The following KIF5C variants were observed in gnomAD, a reference collection of about 807,000 sequenced individuals.
KIF5C encodes kinesin heavy chain isoform 5C.
In KIF5C, 18 loss-of-function variants were observed where a neutral mutation model predicts 125.2. That is an observed-to-expected ratio of 0.14 (90% CI 0.10 to 0.21). The LOEUF (loss-of-function observed/expected upper bound fraction) is 0.21. Among genes scored for constraint, KIF5C ranks in the 10% least tolerant of loss-of-function variants. The pLI, the probability that KIF5C is intolerant of heterozygous loss-of-function variation, is 1.00. For synonymous variants in KIF5C, 405 were observed against 434.0 expected, an observed-to-expected ratio of 0.93 and a Z score of 0.83; for missense variants, 780 against 1,183.8, an observed-to-expected ratio of 0.66 and a Z score of 5.01.
At chr2:148,917,198 A>G (rs1443001334) in intron 1 of KIF5C, among the ~76,000 whole-genome samples, 2 of 151,682 alleles carry the variant, frequency 1.3e-5, no homozygotes, top group Non-Finnish European at 2.9e-5. Flanking sequence ...TCTTTCCTCA[A>G]CGGTTTCATG....
At chr2:148,934,124 T>A (rs373743208) in intron 3 of KIF5C, among the ~76,000 whole-genome samples, 1 of 147,006 alleles carries the variant, frequency 6.8e-6, no homozygotes, top group Admixed American at 6.8e-5. Flanking sequence ...CATAACATAC[T>A]GCACACGCAT....
intron 11 of KIF5C, among the ~76,000 whole-genome samples, chr2:148,966,953 T>G (rs1680744490): frequency 6.6e-6 from 1 of 152,128 alleles, no homozygotes; most frequent in Non-Finnish European, 1.5e-5. Flanking sequence ...AAGTAATAAA[T>G]TCTTTATAAG....
chr2:148,996,189 A>C (rs2105179747), intron 17 of KIF5C, among the ~76,000 whole-genome samples: 1 of 152,274 alleles, frequency 6.6e-6, no homozygotes, highest in Middle Eastern at 3.4e-3. Flanking sequence ...TGTTCCTAAA[A>C]ATTCATATTT....
chr2:148,940,949 G>A (rs1682394548), intron 4 of KIF5C, among the ~76,000 whole-genome samples: 1 of 152,190 alleles, frequency 6.6e-6, no homozygotes, highest in African/African-American at 2.4e-5. Flanking sequence ...GGATTCAGCA[G>A]GACTGTAGTA....
At chr2:148,974,269 C>T (rs1680999552) in intron 12 of KIF5C, among the ~76,000 whole-genome samples, 1 of 152,222 alleles carries the variant, frequency 6.6e-6, no homozygotes, top group Non-Finnish European at 1.5e-5. Flanking sequence ...TTGATTTCAT[C>T]AGGGTTGCTG....
At chr2:148,902,826 T>G (rs1184170380) in intron 1 of KIF5C, among the ~76,000 whole-genome samples, 1 of 152,218 alleles carries the variant, frequency 6.6e-6, no homozygotes, top group African/African-American at 2.4e-5. Flanking sequence ...ACAAGATGTA[T>G]TATGTATTAT....
chr2:148,885,102 C>T (rs543426333), intron 1 of KIF5C, among the ~76,000 whole-genome samples: 48 of 151,968 alleles, frequency 3.2e-4, no homozygotes, highest in Admixed American at 6.6e-4. Context: ...AAGCAATTCT[C>T]AGCCTCCCTA....
chr2:148,989,577 G>A (rs1681472145), intron 15 of KIF5C, among the ~76,000 whole-genome samples: 1 of 152,162 alleles, frequency 6.6e-6, no homozygotes, highest in Admixed American at 6.5e-5. Context: ...TTTCCATAGT[G>A]GTTGTACTAG....
intron 25 of KIF5C, among the ~76,000 whole-genome samples, chr2:149,012,147 G>T (rs1682226904): frequency 6.6e-6 from 1 of 152,184 alleles, no homozygotes; most frequent in South Asian, 2.1e-4. Context: ...AACAAGTGGG[G>T]ATTTTAAGAA....
Position 148,875,574 on chromosome 2 carries a change from G to GCCCCCCCCCCCCCCCCCCT in KIF5C, c.-44_-43insCCCCCCCCCCCCCCCCCCT. ...CTCCTCCCTCGTCGTTCCCGGCCCC[G>GCCCCCCCCCCCCCCCCCCT]GCCCCCCACCCATCCCCGTGCCCCC... On this transcript the variant is annotated 5_prime_UTR_variant, in exon 1 of 26. Coordinates refer to ENST00000435030, the MANE Select transcript of KIF5C (RefSeq NM_004522.3). 2.0e-6 allele frequency: 1 copy of GCCCCCCCCCCCCCCCCCCT among 495,098 alleles called. No individual in the cohort carries two copies. Among genetic ancestry groups the GCCCCCCCCCCCCCCCCCCT allele is most frequent in the Non-Finnish European group, 3.8e-6 (1 of 262,122 alleles). The allele number at this position is 495,098 out of a possible 1,614,324, so 30.7% of individuals were successfully genotyped here.
rs186914997 is a variant in KIF5C at position 148,949,002 on chromosome 2, T to C, written c.715-837T>C. Among the ~76,000 whole-genome samples, 88 of 152,324 alleles carry C rather than the reference T, an allele frequency of 5.8e-4. No homozygotes were observed. The Middle Eastern group carries it at 0.017, about 29-fold the overall frequency. ...TCTGTCATCAGGAGTTTCTCCTTTA[T>C]ATGTGATTCGAATTTGCGTAGTTGA... On this transcript the variant is annotated intron_variant, in intron 8 of 25. Coordinates refer to ENST00000435030, the MANE Select transcript of KIF5C (RefSeq NM_004522.3).
At chr2:148,903,697 TATC>T (rs758178128) in intron 1 of KIF5C, among the ~76,000 whole-genome samples, 29 of 152,188 alleles carry the variant, frequency 1.9e-4, no homozygotes, top group Non-Finnish European at 3.4e-4. Context: ...GCAGTATTAT[TATC>T]ATCCTCACCT....
In KIF5C at chr2:149,005,338, T is replaced by A. The variant is rs1681975475; in HGVS notation, c.2374-55T>A. ...CGGGGGAATGATCTGGTGCCAAATG[T>A]GTCATAAATTCAGTGAATTGCTGCA... On this transcript the variant is annotated intron_variant, in intron 21 of 25. Coordinates refer to ENST00000435030, the MANE Select transcript of KIF5C (RefSeq NM_004522.3). 17 of 1,589,384 alleles carry A rather than the reference T, an allele frequency of 1.1e-5. No homozygotes were observed. In the South Asian group the frequency reaches 1.8e-4, roughly 17 times the overall value.
chr2:149,005,858 G>A (rs187405933), intron 22 of KIF5C, among the ~76,000 whole-genome samples: 185 of 152,334 alleles, frequency 1.2e-3, no homozygotes, highest in African/African-American at 4.1e-3. Context: ...AAGGCCATTA[G>A]GGGCTAGGTC....
Position 148,978,937 on chromosome 2 carries a change from C to G in KIF5C, c.1309C>G (p.Gln437Glu). Residue 437 changes from glutamine (Q) to glutamate (E), a missense_variant, in exon 13 of 26, where the codon CAG becomes GAG. Around this residue, in one of 2 missense-constraint regions of KIF5C, gnomAD observed 573 missense variants for 742.6 expected, o/e 0.77. Coordinates refer to ENST00000435030, the MANE Select transcript of KIF5C (RefSeq NM_004522.3). ...QLDDKDDEIN[Q>E]QSQLAEKLKQ... ...TTCGTTTCAGGATGATGAAATTAAC[C>G]AGCAGAGCCAGCTGGCTGAAAAGCT... 6.3e-6 allele frequency: 10 copies of G among 1,596,000 alleles called. No individual in the cohort carries two copies. Among genetic ancestry groups the G allele is most frequent in the Non-Finnish European group, 8.5e-6 (10 of 1,171,164 alleles).
In KIF5C at chr2:149,026,140, A is replaced by G. The variant is rs894560353; in HGVS notation, c.*3070A>G. 13 of 152,608 alleles carry G rather than the reference A, an allele frequency of 8.5e-5. No homozygotes were observed. The highest frequency in any genetic ancestry group is 3.1e-4 in the African/African-American group (13 of 41,458). 9.5% of individuals were successfully genotyped at this position (152,608 alleles called of 1,614,324 possible). ...ATTTTTTTAAAGCAGGGCAGGAGAC[A>G]TTTGGACTCTAGCTATATGACATAC... On this transcript the variant is annotated 3_prime_UTR_variant, in exon 26 of 26. Coordinates refer to ENST00000435030, the MANE Select transcript of KIF5C (RefSeq NM_004522.3).
intron 25 of KIF5C, among the ~76,000 whole-genome samples, chr2:149,019,427 A>C (rs1471324336): frequency 6.6e-6 from 1 of 152,206 alleles, no homozygotes; most frequent in Non-Finnish European, 1.5e-5. Flanking sequence ...GGACAGAAAT[A>C]ACTGTAGGTA....
intron 1 of KIF5C, among the ~76,000 whole-genome samples, chr2:148,921,562 G>A (rs1464485208): frequency 6.6e-6 from 1 of 152,126 alleles, no homozygotes; most frequent in Non-Finnish European, 1.5e-5. Context: ...GCTGTCTGCT[G>A]GGCTTCTGCC....
In KIF5C at chr2:149,009,882, G is replaced by C. The variant is rs6718774; in HGVS notation, c.2551-253G>C. On this transcript the variant is annotated intron_variant, in intron 23 of 25. Transcript: ENST00000435030. The stretch of plus-strand genomic sequence containing the variant: ...GAGGAGGTAAATCCTGCCTCAGATG[G>C]AAAGTTTCTTGTGGTGGGAAATAGG... 0.039 allele frequency among the ~76,000 whole-genome samples: 5,967 copies of C among 152,284 alleles called. 304 individuals are homozygous for C. Among genetic ancestry groups the C allele is most frequent in the African/African-American group, 0.11 (4,706 of 41,542 alleles).
Sources: gnomAD v4.1 joint callset for allele counts (sites outside exome capture counted in the v4.1 genomes callset) on GRCh38, gnomAD v4.1.1 for gene constraint, gnomAD v4.1.1 regional missense constraint, MANE v1.5 for transcripts, NCBI Gene and HGNC (gene_info 2026-07-23, HGNC 2026-07-21) for gene names.